TBC1D5: variants seen among roughly 807,000 people sequenced by gnomAD.
TBC1D5 encodes TBC1 domain family member 5.
Under a neutral mutation model 100.3 loss-of-function variants are expected in TBC1D5, and 75 were observed. The ratio of observed to expected loss-of-function variants is 0.75; its 90% CI spans 0.62 to 0.91. The LOEUF (loss-of-function observed/expected upper bound fraction) is 0.91, where lower values mean the gene tolerates loss of function less well. TBC1D5 is among the 40% of genes least tolerant of loss of function. The pLI is 0.00. For synonymous variants in TBC1D5, 323 were observed against 325.6 expected, an observed-to-expected ratio of 0.99 and a Z score of 0.09; for missense variants, 910 against 942.4, an observed-to-expected ratio of 0.97 and a Z score of 0.45.
chr3:17,559,896 G>C (rs2096547499), intron 2 of TBC1D5, among the ~76,000 whole-genome samples: 1 of 151,988 alleles, frequency 6.6e-6, no homozygotes, highest in Non-Finnish European at 1.5e-5. Context: ...GCCAAATCTA[G>C]AATTTTTTTA....
chr3:17,172,225 A>C (rs1224461231), intron 19 of TBC1D5, among the ~76,000 whole-genome samples: 1 of 152,234 alleles, frequency 6.6e-6, no homozygotes, highest in Non-Finnish European at 1.5e-5. Context: ...AGAGGCTGTT[A>C]GATGTTTTGA....
At chr3:17,541,436 AT>A (rs1404558103) in intron 2 of TBC1D5, among the ~76,000 whole-genome samples, 2 of 151,614 alleles carry the variant, frequency 1.3e-5, no homozygotes, top group Non-Finnish European at 2.9e-5. Flanking sequence ...ATTCCTAAGT[AT>A]TTTTTTTGAT....
In TBC1D5 at chr3:17,451,754, C is replaced by A. The variant is rs544486822; in HGVS notation, c.98-23235G>T. Among the ~76,000 whole-genome samples the A allele has an allele frequency of 9.2e-5, 14 of 152,170 alleles. No homozygotes were observed. The South Asian group carries it at 1.9e-3, about 20-fold the overall frequency. On this transcript the variant is annotated intron_variant, in intron 3 of 21. Transcript: ENST00000253692. ...AACCTGCATATTCTGCACATGTATA[C>A]CAGAACTTAAAGTAAAATATTAGCC... is the stretch of plus-strand genomic sequence containing the variant.
At chr3:17,543,474 A>C (rs1448756500) in intron 2 of TBC1D5, among the ~76,000 whole-genome samples, 2 of 152,028 alleles carry the variant, frequency 1.3e-5, no homozygotes, top group Non-Finnish European at 2.9e-5. Flanking sequence ...CTCTACAAAA[A>C]TAAAAAAATA....
intron 2 of TBC1D5, among the ~76,000 whole-genome samples, chr3:17,558,569 G>T (rs549450407): frequency 2.0e-5 from 3 of 152,236 alleles, no homozygotes; most frequent in African/African-American, 4.8e-5. Context: ...TTTTCAAAAG[G>T]TTCTCCCACA....
chr3:17,286,392 A>T (rs1223532895), intron 15 of TBC1D5, among the ~76,000 whole-genome samples: 1 of 151,928 alleles, frequency 6.6e-6, no homozygotes, highest in Non-Finnish European at 1.5e-5. Context: ...GGGTTTTAAC[A>T]TTTTTTTTGA....
At chr3:17,258,118 G>A (rs921533045) in intron 16 of TBC1D5, among the ~76,000 whole-genome samples, 1 of 152,000 alleles carries the variant, frequency 6.6e-6, no homozygotes, top group Admixed American at 6.6e-5. Flanking sequence ...TAGTTCTAAA[G>A]ACAGTTGGGA....
At chr3:17,492,110 T>C (rs1231507889) in intron 3 of TBC1D5, among the ~76,000 whole-genome samples, 1 of 152,174 alleles carries the variant, frequency 6.6e-6, no homozygotes, top group African/African-American at 2.4e-5. Flanking sequence ...TCTCTGATGG[T>C]TGTCTGTATT....
chr3:17,571,359 G>A (rs1429445770), intron 2 of TBC1D5, among the ~76,000 whole-genome samples: 1 of 151,842 alleles, frequency 6.6e-6, no homozygotes, highest in Non-Finnish European at 1.5e-5. Flanking sequence ...CACACGATTG[G>A]ATTTCAAAAT....
At chr3:17,258,078 C>T (rs748578376) in intron 16 of TBC1D5, among the ~76,000 whole-genome samples, 3 of 152,058 alleles carry the variant, frequency 2.0e-5, no homozygotes, top group African/African-American at 4.8e-5. Context: ...CACAAATGTA[C>T]ACACAAGATG....
intron 13 of TBC1D5, among the ~76,000 whole-genome samples, chr3:17,353,908 C>G (rs1444380146): frequency 6.6e-6 from 1 of 152,096 alleles, no homozygotes; most frequent in East Asian, 1.9e-4. Context: ...CTGTTAACTT[C>G]ATGTTGCCTA....
At chr3:17,710,285 T>C (rs960469823) in intron 1 of TBC1D5, among the ~76,000 whole-genome samples, 2 of 151,826 alleles carry the variant, frequency 1.3e-5, no homozygotes, top group African/African-American at 4.8e-5. Flanking sequence ...TAAAAATAGG[T>C]CGGGTGTGGT....
chr3:17,366,842 A>G (rs1266371361), intron 13 of TBC1D5, among the ~76,000 whole-genome samples: 1 of 152,202 alleles, frequency 6.6e-6, no homozygotes, highest in Non-Finnish European at 1.5e-5. Context: ...TATATCAATA[A>G]TTTGGCAGAT....
chr3:17,463,943 C>CGTTTTTTTTT, intron 3 of TBC1D5, among the ~76,000 whole-genome samples: 1 of 87,512 alleles, frequency 1.1e-5, no homozygotes, highest in East Asian at 3.8e-4. Flanking sequence ...TTCCTTATTC[C>CGTTTTTTTTT]TTTTTTTTTT....
intron 2 of TBC1D5, among the ~76,000 whole-genome samples, chr3:17,614,297 GTA>G (rs1359817826): frequency 6.6e-6 from 1 of 152,210 alleles, no homozygotes; most frequent in East Asian, 1.9e-4. Context: ...TAGCCTTGTA[GTA>G]TAGTTTGAAG....
intron 1 of TBC1D5, among the ~76,000 whole-genome samples, chr3:17,735,826 G>T (rs1014181911): frequency 6.6e-6 from 1 of 152,220 alleles, no homozygotes; most frequent in African/African-American, 2.4e-5. Context: ...AACAGCAGTG[G>T]TGGATGGCGA....
intron 4 of TBC1D5, among the ~76,000 whole-genome samples, chr3:17,419,357 C>T (rs1345364508): frequency 2.0e-5 from 3 of 152,162 alleles, no homozygotes; most frequent in Non-Finnish European, 2.9e-5. Context: ...TCTTTAAAAG[C>T]TTCCCCTTCC....
chr3:17,666,746 A>G (rs958152993), intron 1 of TBC1D5, among the ~76,000 whole-genome samples: 1 of 152,156 alleles, frequency 6.6e-6, no homozygotes, highest in Non-Finnish European at 1.5e-5. Context: ...TATAGGAGTT[A>G]AGATCTAATT....
chr3:17,511,336 G>T (rs979893495), intron 2 of TBC1D5, among the ~76,000 whole-genome samples: 2 of 151,920 alleles, frequency 1.3e-5, no homozygotes, highest in Non-Finnish European at 2.9e-5. Context: ...TTAACTGCTA[G>T]ATTCCTTAAA....
Sources: allele counts gnomAD v4.1 joint callset (sites outside exome capture counted in the v4.1 genomes callset), GRCh38; gene constraint gnomAD v4.1.1; transcripts MANE v1.5; gene names NCBI Gene and HGNC (gene_info 2026-07-23, HGNC 2026-07-21).